Variants in TAAR5 observed in about 807,000 individuals in gnomAD.
TAAR5 encodes the protein trace amine associated receptor 5, also known as trace amine-associated receptor 5.
In TAAR5, 27 loss-of-function variants were observed where a neutral mutation model predicts 21.1. That is an observed-to-expected ratio of 1.28 (90% CI 0.94 to 1.76). The LOEUF (loss-of-function observed/expected upper bound fraction) is 1.76. Ranked by LOEUF, TAAR5 falls within the 40% of genes most tolerant of loss-of-function variation. The probability of loss-of-function intolerance (pLI) is 0.00; values close to 1 mark genes in which losing one functional copy is unlikely to be tolerated. For synonymous variants in TAAR5, 203 were observed against 167.5 expected (o/e 1.21, Z -1.64); for missense variants, 495 against 405.6 (o/e 1.22, Z -1.89).
At chr6:132,589,742 CAAAAAAAAAAAA>C (rs567338856), upstream of TAAR5, 2,983 of 60,416 alleles carry the variant, frequency 0.049, 24 homozygotes, top group East Asian at 0.1. Context: ...CACTGGAGGG[CAAAAAAAAAAAA>C]AAAAAAAAAA....
the TAAR5 span, among the ~76,000 whole-genome samples, chr6:132,596,862 A>G: frequency 2.0e-5 from 3 of 152,118 alleles, no homozygotes; most frequent in Non-Finnish European, 4.4e-5. Context: ...TCAAATCTTA[A>G]TATCTAATAT....
At chr6:132,610,980 G>C in the TAAR5 span, among the ~76,000 whole-genome samples, 2 of 152,162 alleles carry the variant, frequency 1.3e-5, no homozygotes, top group African/African-American at 4.8e-5. Flanking sequence ...AGAGAAACAA[G>C]ATGAAAGAAA....
the TAAR5 span, among the ~76,000 whole-genome samples, chr6:132,596,001 G>A: frequency 1.3e-5 from 2 of 152,116 alleles, no homozygotes; most frequent in Admixed American, 6.6e-5. Context: ...TCTCCAGTAT[G>A]GAGAACAACA....
the TAAR5 span, among the ~76,000 whole-genome samples, chr6:132,600,574 G>A: frequency 6.6e-6 from 1 of 151,964 alleles, no homozygotes; most frequent in Admixed American, 6.6e-5. Context: ...CTAAAAGTAG[G>A]AACAACAAAG....
At chr6:132,606,705 G>C in the TAAR5 span, among the ~76,000 whole-genome samples, 1 of 152,218 alleles carries the variant, frequency 6.6e-6, no homozygotes, top group Admixed American at 6.5e-5. Context: ...GATGGTGACA[G>C]GGAGGTAGCC....
chr6:132,593,463 T>C (rs1776934504), upstream of TAAR5, among the ~76,000 whole-genome samples: 1 of 152,168 alleles, frequency 6.6e-6, no homozygotes, highest in South Asian at 2.1e-4. Flanking sequence ...GAAATTACCA[T>C]TCCCCCTGAG....
chr6:132,616,624 T>C, the TAAR5 span, among the ~76,000 whole-genome samples: 1 of 152,212 alleles, frequency 6.6e-6, no homozygotes, highest in Non-Finnish European at 1.5e-5. Context: ...TAGTAAAGGC[T>C]TAACTCTCAG....
the TAAR5 span, among the ~76,000 whole-genome samples, chr6:132,598,708 AAGAGATTATAGTTAAGTCACC>A: frequency 1.9e-4 from 29 of 152,278 alleles, no homozygotes; most frequent in East Asian, 3.3e-3. Flanking sequence ...TGCTGCCAGC[AAGAGATTATAGTTAAGTCACC>A]AGAGAAATGG....
chr6:132,614,928 A>T, the TAAR5 span, among the ~76,000 whole-genome samples: 258 of 152,208 alleles, frequency 1.7e-3, no homozygotes, highest in Non-Finnish European at 3.1e-3. Flanking sequence ...CAGTAGTGCG[A>T]TCTCAGCTCA....
upstream of TAAR5, among the ~76,000 whole-genome samples, chr6:132,593,116 C>T (rs999817857): frequency 6.6e-6 from 1 of 152,178 alleles, no homozygotes; most frequent in African/African-American, 2.4e-5. Flanking sequence ...CCCCAGCTTT[C>T]CCTTGACTCT....
chr6:132,608,490 C>T, the TAAR5 span: 13 of 454,764 alleles, frequency 2.9e-5, no homozygotes, highest in South Asian at 2.0e-4. Flanking sequence ...CCAGAAACAC[C>T]CCCATTACTA....
upstream of TAAR5, among the ~76,000 whole-genome samples, chr6:132,593,411 C>T (rs1041585943): frequency 9.2e-5 from 14 of 152,148 alleles, no homozygotes; most frequent in Admixed American, 5.9e-4. Context: ...AATAAATGTT[C>T]GTTGAACCGA....
At chr6:132,613,111 G>A in the TAAR5 span, among the ~76,000 whole-genome samples, 4 of 152,226 alleles carry the variant, frequency 2.6e-5, no homozygotes, top group East Asian at 1.9e-4. Context: ...GTCCATAAAC[G>A]AAATATTTAC....
At chr6:132,601,869 G>A in the TAAR5 span, among the ~76,000 whole-genome samples, 3 of 152,156 alleles carry the variant, frequency 2.0e-5, no homozygotes, top group Admixed American at 2.0e-4. Flanking sequence ...ATAGGCCTGT[G>A]TTTCTTACAT....
At chr6:132,596,529 A>T in the TAAR5 span, among the ~76,000 whole-genome samples, 1 of 152,242 alleles carries the variant, frequency 6.6e-6, no homozygotes, top group Non-Finnish European at 1.5e-5. Flanking sequence ...ACCTTTAAAA[A>T]TACTATTTTC....
the TAAR5 span, among the ~76,000 whole-genome samples, chr6:132,602,984 C>A: frequency 1.3e-5 from 2 of 151,948 alleles, no homozygotes; most frequent in East Asian, 3.9e-4. Context: ...AGAAACATGG[C>A]CTTGCTGCAG....
chr6:132,590,519 T>C (rs1776890440), upstream of TAAR5, among the ~76,000 whole-genome samples: 1 of 152,226 alleles, frequency 6.6e-6, no homozygotes, highest in Non-Finnish European at 1.5e-5. Context: ...AATCCCTTCC[T>C]GGGAAAAAAT....
At chr6:132,615,489 TA>T in the TAAR5 span, among the ~76,000 whole-genome samples, 1 of 151,646 alleles carries the variant, frequency 6.6e-6, no homozygotes, top group Non-Finnish European at 1.5e-5. Context: ...TGAAAAAAAT[TA>T]AAAAGTTCAG....
At chr6:132,609,338 A>G in the TAAR5 span, 1 of 228,432 alleles carries the variant, frequency 4.4e-6, no homozygotes, top group African/African-American at 2.3e-5. Flanking sequence ...CTCTTCTTAA[A>G]ATGATTCCAG....
Sources: gnomAD v4.1 joint callset for allele counts (sites outside exome capture counted in the v4.1 genomes callset) on GRCh38, gnomAD v4.1.1 for gene constraint, MANE v1.5 for transcripts, NCBI Gene and HGNC (gene_info 2026-07-23, HGNC 2026-07-21) for gene names.